Variants in CDH7 observed in about 807,000 individuals in gnomAD.
The protein encoded by CDH7 is cadherin-7.
A neutral mutation model predicts 71.8 loss-of-function variants in CDH7; 25 were observed. The observed-to-expected ratio is 0.35, with a 90% CI of 0.25 to 0.49. The LOEUF (loss-of-function observed/expected upper bound fraction) is 0.49, where lower values mean the gene tolerates loss of function less well. Among genes scored for constraint, CDH7 ranks in the 20% least tolerant of loss-of-function variants. The probability of loss-of-function intolerance (pLI) is 0.99; values close to 1 mark genes in which losing one functional copy is unlikely to be tolerated. For synonymous variants in CDH7, 381 were observed against 363.8 expected, an observed-to-expected ratio of 1.05 and a Z score of -0.54; for missense variants, 862 against 974.6, an observed-to-expected ratio of 0.88 and a Z score of 1.54.
At chr18:65,860,683 A>T (rs1320738540) in intron 10 of CDH7, among the ~76,000 whole-genome samples, 1 of 152,142 alleles carries the variant, frequency 6.6e-6, no homozygotes, top group Admixed American at 6.6e-5. Context: ...GTTTATGTAA[A>T]TCTGGTTTTA....
At chr18:65,771,453 A>C (rs1434001870) in intron 2 of CDH7, among the ~76,000 whole-genome samples, 1 of 151,982 alleles carries the variant, frequency 6.6e-6, no homozygotes, top group East Asian at 1.9e-4. Context: ...CAGCCTGGCC[A>C]ACATGGTGAA....
intron 2 of CDH7, among the ~76,000 whole-genome samples, chr18:65,777,267 A>C (rs1234456880): frequency 6.6e-6 from 1 of 152,128 alleles, no homozygotes; most frequent in Non-Finnish European, 1.5e-5. Context: ...TTTCTTCATA[A>C]ACAAAAATAA....
Position 65,886,031 on chromosome 18 carries a change from T to C in CDH7, c.*5137T>C, listed in dbSNP as rs1914367447. On this transcript the variant is annotated 3_prime_UTR_variant, in exon 12 of 12. Transcript: ENST00000397968. The stretch of plus-strand genomic sequence containing the variant: ...TGGTGTCAGTGTGGTATACCAGAAA[T>C]TACCTCTGGTCTGTGGTTATAAAAT... 1 of 152,274 alleles carries C rather than the reference T, an allele frequency of 6.6e-6. No individual in the cohort carries two copies. Among genetic ancestry groups the C allele is most frequent in the South Asian group, 2.1e-4 (1 of 4,830 alleles). 9.4% of individuals were successfully genotyped at this position (152,274 alleles called of 1,614,324 possible). A position where few individuals can be genotyped will look rare whatever the true frequency, so the allele number is the denominator to read the frequency against.
intron 11 of CDH7, among the ~76,000 whole-genome samples, 156 bp from the exon 12 acceptor site, chr18:65,880,245 A>G (rs753878420): frequency 6.6e-6 from 1 of 152,202 alleles, no homozygotes; most frequent in African/African-American, 2.4e-5. Flanking sequence ...ATTTTAGCAC[A>G]TCTACCGCTG....
rs1312898772 is a variant in CDH7, at chr18:65,885,756, T to C, written c.*4862T>C. The C allele has an allele frequency of 1.3e-5, 2 of 152,184 alleles. No individual in the cohort carries two copies. Among genetic ancestry groups the C allele is most frequent in the Non-Finnish European group, 2.9e-5 (2 of 68,044 alleles). The allele number at this position is 152,184 out of a possible 1,614,324, so 9.4% of individuals were successfully genotyped here. A position where few individuals can be genotyped will look rare whatever the true frequency, so the allele number is the denominator to read the frequency against. On this transcript the variant is annotated 3_prime_UTR_variant, in exon 12 of 12. Coordinates refer to ENST00000397968, the MANE Select transcript of CDH7 (RefSeq NM_004361.5). ...TAAGAGTCTCATAATTCCTGGTTAA[T>C]GCTGGCGTATTGTTGTCACCTGCCA...
chr18:65,802,360 T>C (rs1443211802), intron 2 of CDH7, among the ~76,000 whole-genome samples: 1 of 152,210 alleles, frequency 6.6e-6, no homozygotes, highest in Non-Finnish European at 1.5e-5. Flanking sequence ...TCAACAGACA[T>C]GAAATTATTT....
intron 11 of CDH7, among the ~76,000 whole-genome samples, chr18:65,879,757 G>C (rs2628210): frequency 0.79 from 120,148 of 152,138 alleles, 47,644 homozygotes; most frequent in East Asian, 0.97. Context: ...TTATCTTTGA[G>C]AGTTGCTGAA....
At chr18:65,802,920 C>T (rs1911177353) in intron 2 of CDH7, among the ~76,000 whole-genome samples, 1 of 152,106 alleles carries the variant, frequency 6.6e-6, no homozygotes, top group African/African-American at 2.4e-5. Context: ...GTAACCATGT[C>T]ATAGGCACAG....
At chr18:65,862,526 A>G (rs1913600906) in intron 10 of CDH7, 140 bp from the exon 11 acceptor site, 5 of 786,766 alleles carry the variant, frequency 6.4e-6, no homozygotes, top group Non-Finnish European at 8.2e-6. Context: ...GAGAATTGAA[A>G]GAAAATTGTT....
chr18:65,828,916 C>A (rs1185293457), intron 6 of CDH7, among the ~76,000 whole-genome samples: 1 of 152,046 alleles, frequency 6.6e-6, no homozygotes, highest in Non-Finnish European at 1.5e-5. Flanking sequence ...CTATGAACTT[C>A]AAAGAACTAT....
chr18:65,833,300 C>T (rs534929044), intron 6 of CDH7, among the ~76,000 whole-genome samples: 21 of 152,220 alleles, frequency 1.4e-4, no homozygotes, highest in African/African-American at 4.8e-4. Flanking sequence ...ATATTGAGGT[C>T]TAATTTCTAC....
intron 6 of CDH7, among the ~76,000 whole-genome samples, chr18:65,829,418 G>T (rs962844075): frequency 6.7e-6 from 1 of 148,762 alleles, no homozygotes. Context: ...GGATACATGT[G>T]TATTAAGATG....
chr18:65,868,115 T>C (rs1291019057), intron 11 of CDH7, among the ~76,000 whole-genome samples: 1 of 152,196 alleles, frequency 6.6e-6, no homozygotes, highest in African/African-American at 2.4e-5. Flanking sequence ...TCATAATCTA[T>C]AATGATAGAA....
chr18:65,817,724 T>G (rs1911770847), intron 4 of CDH7, among the ~76,000 whole-genome samples: 1 of 152,236 alleles, frequency 6.6e-6, no homozygotes, highest in East Asian at 1.9e-4. Flanking sequence ...GGCTGTGTAT[T>G]TCTTTCATAT....
At chr18:65,791,882 T>C (rs1293393717) in intron 2 of CDH7, among the ~76,000 whole-genome samples, 1 of 152,214 alleles carries the variant, frequency 6.6e-6, no homozygotes, top group Non-Finnish European at 1.5e-5. Flanking sequence ...CTAATGGTTG[T>C]GTGTATTCTC....
intron 1 of CDH7, among the ~76,000 whole-genome samples, chr18:65,752,662 G>A (rs1342185569): frequency 1.3e-5 from 2 of 152,140 alleles, no homozygotes; most frequent in Non-Finnish European, 1.5e-5. Flanking sequence ...TAGGAAGACT[G>A]GCAACTTTGT....
chr18:65,865,498 T>G (rs1913726344), intron 11 of CDH7: 1 of 152,154 alleles, frequency 6.6e-6, no homozygotes, highest in South Asian at 2.1e-4. Flanking sequence ...TTACCGCAAG[T>G]CTTCAAAACC....
Position 65,859,675 on chromosome 18 carries a change from T to C in CDH7, c.1495-33T>C, listed in dbSNP as rs969102443. ...CAGAAAACTAAGCATAGCACACCAA[T>C]GTGCTTTCATCTTTTACTTTCTCTT... On this transcript the variant is annotated intron_variant, in intron 9 of 11. Coordinates refer to ENST00000397968, the MANE Select transcript of CDH7 (RefSeq NM_004361.5). The C allele has an allele frequency of 2.3e-6, 3 of 1,318,760 alleles. No homozygotes were observed. The Admixed American group carries it at 5.0e-5, about 22-fold the overall frequency. The allele number at this position is 1,318,760 out of a possible 1,614,324, so 81.7% of individuals were successfully genotyped here. A position where few individuals can be genotyped will look rare whatever the true frequency, so the allele number is the denominator to read the frequency against.
At chr18:65,778,509 T>A (rs1910043824) in intron 2 of CDH7, among the ~76,000 whole-genome samples, 1 of 143,558 alleles carries the variant, frequency 7.0e-6, no homozygotes, top group Non-Finnish European at 1.5e-5. Flanking sequence ...TTTAAAATTT[T>A]TTGCCCCAGG....
Sources: gnomAD v4.1 joint callset for allele counts (sites outside exome capture counted in the v4.1 genomes callset) on GRCh38, gnomAD v4.1.1 for gene constraint, MANE v1.5 for transcripts, NCBI Gene and HGNC (gene_info 2026-07-23, HGNC 2026-07-21) for gene names.